The following GJA3 variants were observed in gnomAD, a reference collection of about 807,000 sequenced individuals.
GJA3 encodes the protein gap junction alpha-3 protein.
For synonymous variants in GJA3, 297 were observed against 292.6 expected (o/e 1.02, Z -0.15); for missense variants, 571 against 620.3 (o/e 0.92, Z 0.84).
intron 1 of GJA3, among the ~76,000 whole-genome samples, chr13:20,149,227 C>T (rs1269948646): frequency 1.3e-5 from 2 of 152,078 alleles, no homozygotes; most frequent in African/African-American, 4.8e-5. Flanking sequence ...GGTGCAGTAG[C>T]TCACACCTGT....
At chr13:20,148,298 C>T (rs1958855912) in intron 1 of GJA3, among the ~76,000 whole-genome samples, 1 of 135,982 alleles carries the variant, frequency 7.4e-6, no homozygotes, top group Non-Finnish European at 1.5e-5. Context: ...CATTCTGTCG[C>T]TCAGGCTAAG....
chr13:20,156,161 T>A (rs187665047), intron 1 of GJA3, among the ~76,000 whole-genome samples: 1 of 152,304 alleles, frequency 6.6e-6, no homozygotes, highest in East Asian at 1.9e-4. Flanking sequence ...GGGATTTCAA[T>A]CTTTTATGCA....
At position 20,138,333 on chromosome 13, in the gene GJA3, T is replaced by C. The variant is rs1252536424; in HGVS notation, c.*3648A>G. 1 of 152,236 alleles carries C rather than the reference T, an allele frequency of 6.6e-6. No individual in the cohort carries two copies. Among genetic ancestry groups the C allele is most frequent in the Non-Finnish European group, 1.5e-5 (1 of 68,050 alleles). 9.4% of individuals were successfully genotyped at this position (152,236 alleles called of 1,614,324 possible). A position where few individuals can be genotyped will look rare whatever the true frequency, so the allele number is the denominator to read the frequency against. On this transcript the variant is annotated 3_prime_UTR_variant, in exon 2 of 2. Transcript: ENST00000241125. ...ATGTAATCCAGGAAAGACACTGTTA[T>C]GGCACAAAAATTAAGTTTTAGTAAG...
chr13:20,155,430 C>T (rs9315351), intron 1 of GJA3, among the ~76,000 whole-genome samples: 37,854 of 151,834 alleles, frequency 0.25, 6,525 homozygotes, highest in African/African-American at 0.49. Flanking sequence ...TACTAACATA[C>T]GTAGGTTTAC....
At chr13:20,153,801 T>TA (rs11300208) in intron 1 of GJA3, among the ~76,000 whole-genome samples, 39,774 of 146,128 alleles carry the variant, frequency 0.27, 6,555 homozygotes, top group Non-Finnish European at 0.38. Context: ...AAAATTAAAT[T>TA]AAAAAAAAAA....
chr13:20,142,860 C>T lies in GJA3; in HGVS notation c.429G>A (p.Gly143=). 6.2e-7 allele frequency: 1 copy of T among 1,611,536 alleles called. No homozygotes were observed. Among genetic ancestry groups the T allele is most frequent in the Non-Finnish European group, 8.5e-7 (1 of 1,178,972 alleles). ...TGAAGACGTAGGTCCGCAGCAGCGC[C>T]CCGGCCATGCGCACCCTGCCGCGGT... ...RDDRGRVRMA[G]ALLRTYVFNI... Residue 143 remains glycine, a synonymous_variant, in exon 2 of 2, where the codon GGG becomes GGA. Transcript: ENST00000241125.
chr13:20,139,389 A>G lies in GJA3; in HGVS notation c.*2592T>C, dbSNP rs979642424. The G allele has an allele frequency of 6.6e-6, 1 of 151,812 alleles. No individual in the cohort carries two copies. The highest frequency in any genetic ancestry group is 2.4e-5 in the African/African-American group (1 of 41,326). The allele number at this position is 151,812 out of a possible 1,614,324, so 9.4% of individuals were successfully genotyped here. A position where few individuals can be genotyped will look rare whatever the true frequency, so the allele number is the denominator to read the frequency against. On this transcript the variant is annotated 3_prime_UTR_variant, in exon 2 of 2. Coordinates refer to ENST00000241125, the MANE Select transcript of GJA3 (RefSeq NM_021954.4). ...TGAAATTTCCAGGCTAGAAAAAAATAGGTCTGGAATCTTGCCCACAGAGAG... is the reference window on the plus strand; with the variant it reads ...TGAAATTTCCAGGCTAGAAAAAAATGGGTCTGGAATCTTGCCCACAGAGAG...
intron 1 of GJA3, among the ~76,000 whole-genome samples, chr13:20,160,206 C>T (rs1160495708): frequency 6.6e-6 from 1 of 152,144 alleles, no homozygotes; most frequent in Non-Finnish European, 1.5e-5. Flanking sequence ...GGAAGGGGCT[C>T]GGACAGTGCT....
At position 20,142,882 on chromosome 13, in the gene GJA3, C is replaced by T; in HGVS notation, c.407G>A (p.Arg136His). ...PQDNPSSRDD[R>H]GRVRMAGALL... ...CGCCCCGGCCATGCGCACCCTGCCG[C>T]GGTCGTCCCGCGACGAGGGATTGTC... Residue 136 changes from arginine to histidine, a missense_variant, in exon 2 of 2, where the codon CGC (arginine) becomes CAC (histidine). Transcript: ENST00000241125. The T allele has an allele frequency of 1.2e-6, 2 of 1,603,466 alleles. No homozygotes were observed. The highest frequency in any genetic ancestry group is 1.7e-6 in the Non-Finnish European group (2 of 1,174,990).
chr13:20,159,394 T>C (rs1593341506), intron 1 of GJA3, among the ~76,000 whole-genome samples: 1 of 131,094 alleles, frequency 7.6e-6, no homozygotes, highest in African/African-American at 2.9e-5. Context: ...ACTCGGGAGG[T>C]TGCAGTGAGC....
At chr13:20,160,267 A>C (rs1332636106) in intron 1 of GJA3, among the ~76,000 whole-genome samples, 2 of 152,204 alleles carry the variant, frequency 1.3e-5, no homozygotes, top group Non-Finnish European at 2.9e-5. Flanking sequence ...TAACAAACAT[A>C]CAGGTCGAGA....
At position 20,146,589 on chromosome 13, in the gene GJA3, G is replaced by T. The variant is rs146496407; in HGVS notation, c.-17-3284C>A. Among the ~76,000 whole-genome samples the T allele has an allele frequency of 2.3e-3, 346 of 152,322 alleles. 1 individual carries two copies. Among genetic ancestry groups the T allele is most frequent in the African/African-American group, 7.7e-3 (322 of 41,566 alleles). On this transcript the variant is annotated intron_variant, in intron 1 of 1. Coordinates refer to ENST00000241125, the MANE Select transcript of GJA3 (RefSeq NM_021954.4). ...GACCCTTGCTTGTGCCCCATCAGGG[G>T]CCAAGGCTGTGTCCCAGAGACAGGA...
Position 20,142,303 on chromosome 13 carries a change from GC to G in GJA3, c.985del (p.Ala329ProfsTer70). Reference protein sequence around the residue: ...HHLLMTEQNWANQAAERQPPA... With the variant: ...HHLLMTEQNWXNQAAERQPPA... ...GGGCTGCCGCTCGGCCGCCTGGTTG[GC>G]CCAGTTCTGCTCAGTCATCAGCAGG... is the stretch of plus-strand genomic sequence containing the variant. On this transcript the variant is annotated frameshift_variant, in exon 2 of 2. Transcript: ENST00000241125. LOFTEE classifies it low-confidence loss of function (END_TRUNC). 1 of 1,573,602 alleles carries G rather than the reference GC, an allele frequency of 6.4e-7. No individual in the cohort carries two copies. Among genetic ancestry groups the G allele is most frequent in the Non-Finnish European group, 8.6e-7 (1 of 1,160,862 alleles).
chr13:20,142,741 C>A lies in GJA3; in HGVS notation c.548G>T (p.Arg183Leu), dbSNP rs781023239. ...FELKPLYRCD[R>L]WPCPNTVDCF... is the part of the protein sequence containing the mutation. Reference sequence around the variant, plus strand: ...GTCCACCGTGTTGGGGCAGGGCCAGCGGTCGCAGCGGTAGAGCGGCTTCAG... The same window carrying A: ...GTCCACCGTGTTGGGGCAGGGCCAGAGGTCGCAGCGGTAGAGCGGCTTCAG... The change falls in exon 2 of 2, where the codon CGC becomes CTC. Residue 183 changes from arginine to leucine, a missense_variant. Coordinates refer to ENST00000241125, the MANE Select transcript of GJA3 (RefSeq NM_021954.4). 37 of 1,613,680 alleles carry A rather than the reference C, an allele frequency of 2.3e-5. No homozygotes were observed. Among genetic ancestry groups the A allele is most frequent in the Non-Finnish European group, 3.1e-5 (37 of 1,179,912 alleles).
chr13:20,145,207 T>C (rs1266187461), intron 1 of GJA3, among the ~76,000 whole-genome samples: 1 of 152,156 alleles, frequency 6.6e-6, no homozygotes, highest in East Asian at 1.9e-4. Flanking sequence ...TAAATATTAA[T>C]TTTTATGAAT....
At chr13:20,160,017 T>C (rs950856122) in intron 1 of GJA3, among the ~76,000 whole-genome samples, 1 of 152,226 alleles carries the variant, frequency 6.6e-6, no homozygotes, top group Non-Finnish European at 1.5e-5. Flanking sequence ...AGAATCATTT[T>C]TAAATGGCAT....
intron 1 of GJA3, among the ~76,000 whole-genome samples, chr13:20,146,176 C>T (rs773635400): frequency 1.3e-5 from 2 of 152,236 alleles, no homozygotes; most frequent in South Asian, 2.1e-4. Flanking sequence ...GGTGCTGGGA[C>T]AGGGGCCTGG....
rs1409784691 is a variant in GJA3, at chr13:20,139,292, G to T, written c.*2689C>A. On this transcript the variant is annotated 3_prime_UTR_variant, in exon 2 of 2. Coordinates refer to ENST00000241125, the MANE Select transcript of GJA3 (RefSeq NM_021954.4). ...ATAATACTCAAATGCTATAGGTATA[G>T]CATTTGAGTTTTAAAATAGGCTTAG... is the stretch of plus-strand genomic sequence containing the variant. 6.6e-6 allele frequency: 1 copy of T among 151,988 alleles called. No individual in the cohort carries two copies. Among genetic ancestry groups the T allele is most frequent in the Non-Finnish European group, 1.5e-5 (1 of 68,004 alleles). 9.4% of individuals were successfully genotyped at this position (151,988 alleles called of 1,614,324 possible).
chr13:20,152,602 TG>T (rs1340984190), intron 1 of GJA3, among the ~76,000 whole-genome samples: 2 of 152,168 alleles, frequency 1.3e-5, no homozygotes, highest in African/African-American at 4.8e-5. Flanking sequence ...CAGGCTGGTC[TG>T]GAACTCCTGA....
Sources: allele counts gnomAD v4.1 joint callset (sites outside exome capture counted in the v4.1 genomes callset), GRCh38; gene constraint gnomAD v4.1.1; transcripts MANE v1.5; gene names NCBI Gene and HGNC (gene_info 2026-07-23, HGNC 2026-07-21).